The following TSC2 variants were observed in gnomAD, a reference collection of about 807,000 sequenced individuals.
TSC2 encodes the protein TSC complex subunit 2.
TSC2 carries 29 observed loss-of-function variants against 202.2 expected under a neutral mutation model. The ratio of observed to expected loss-of-function variants is 0.14; its 90% CI spans 0.11 to 0.20. The LOEUF is 0.20. Ranked by LOEUF, TSC2 falls within the 10% of genes least tolerant of loss-of-function variation. The pLI is 1.00. For missense variants in TSC2, 2,429 were observed against 2,420.0 expected (o/e 1.00, Z -0.08); for synonymous variants, 1,349 against 1,044.0 (o/e 1.29, Z -5.63).
In TSC2 at chr16:2,076,509, C is replaced by T. The variant is rs201835391; in HGVS notation, c.2761C>T (p.Leu921Phe). ...FITKGLRSNV[L>F]LSFDDTPEKD... is the part of the protein sequence containing the mutation. ...CTGCCAGGGCCTGCGGTCCAATGTCCTCTTGTCTTTTGATGACACCCCCGA... is the reference window on the plus strand; with the variant it reads ...CTGCCAGGGCCTGCGGTCCAATGTCTTCTTGTCTTTTGATGACACCCCCGA... Residue 921 changes from leucine to phenylalanine, a missense_variant, in exon 25 of 42, where the codon CTC becomes TTC. Coordinates refer to ENST00000219476, the MANE Select transcript of TSC2 (RefSeq NM_000548.5). 1.9e-6 allele frequency: 3 copies of T among 1,613,552 alleles called. No individual in the cohort carries two copies. The highest frequency in any genetic ancestry group is 2.2e-5 in the South Asian group (2 of 91,074).
intron 2 of TSC2, among the ~76,000 whole-genome samples, chr16:2,049,641 A>G (rs1012164201): frequency 3.3e-5 from 5 of 151,714 alleles, no homozygotes; most frequent in African/African-American, 1.2e-4. Context: ...CCTGGCCAAC[A>G]TGGCGAAACC....
At chr16:2,087,974 A>G (rs1357071011) in intron 39 of TSC2, 33 bp downstream of exon 39, 13 of 1,607,728 alleles carry the variant, frequency 8.1e-6, no homozygotes, top group Non-Finnish European at 1.1e-5. Context: ...AGTGCAGGAA[A>G]GGTAGGGCCG....
chr16:2,071,227 G>A (rs1460189486), intron 17 of TSC2, among the ~76,000 whole-genome samples: 1 of 152,224 alleles, frequency 6.6e-6, no homozygotes, highest in Non-Finnish European at 1.5e-5. Flanking sequence ...TGCCAGAGGA[G>A]CGAGGCGCCC....
At chr16:2,072,500 C>A in intron 20 of TSC2, 137 bp downstream of exon 20, 1 of 1,391,208 alleles carries the variant, frequency 7.2e-7, no homozygotes. Context: ...CACTCTGGAG[C>A]GCAGATTGTG....
At chr16:2,064,720 C>A in intron 15 of TSC2, 1 of 506,624 alleles carries the variant, frequency 2.0e-6, no homozygotes, top group Non-Finnish European at 3.6e-6. Context: ...TTTGGCCTGC[C>A]GTCCTCCCTG....
intron 6 of TSC2, 37 bp downstream of exon 6, chr16:2,055,556 C>T (rs774445870): frequency 2.5e-6 from 4 of 1,581,596 alleles, no homozygotes; most frequent in East Asian, 2.2e-5. Context: ...TGATAATGGT[C>T]CTAAGTTCAG....
intron 38 of TSC2, 122 bp from the exon 39 acceptor site, chr16:2,087,741 A>C: frequency 8.1e-7 from 1 of 1,242,122 alleles, no homozygotes. Context: ...CAGAGGGGAA[A>C]GTTCAGGGGC....
chr16:2,070,198 C>T lies in TSC2; in HGVS notation c.1717-258C>T, dbSNP rs865981294. 1.5e-4 allele frequency among the ~76,000 whole-genome samples: 23 copies of T among 152,308 alleles called. 1 individual carries two copies. The Middle Eastern group carries it at 0.01, about 68-fold the overall frequency. ...CCGCCCCATTCTGCCCTGTCTGCCA[C>T]GCAGCTGGAGCTTCTCCATTGAATG... is the stretch of plus-strand genomic sequence containing the variant. On this transcript the variant is annotated intron_variant, in intron 16 of 41. Coordinates refer to ENST00000219476, the MANE Select transcript of TSC2 (RefSeq NM_000548.5).
At chr16:2,075,008 G>C (rs1161088474) in intron 22 of TSC2, 1 of 161,566 alleles carries the variant, frequency 6.2e-6, no homozygotes, top group African/African-American at 2.4e-5. Flanking sequence ...CTGAGGTCAG[G>C]AGTTCGAGAC....
chr16:2,049,819 C>T (rs917886914), intron 2 of TSC2, among the ~76,000 whole-genome samples: 20 of 151,246 alleles, frequency 1.3e-4, no homozygotes, highest in South Asian at 2.1e-4. Context: ...AGCAAAACTC[C>T]GTCTAAAAAA....
intron 4 of TSC2, 82 bp downstream of exon 4, chr16:2,053,534 C>T (rs1393967999): frequency 7.3e-7 from 1 of 1,378,500 alleles, no homozygotes; most frequent in Non-Finnish European, 1.0e-6. Context: ...TGTTTGGACT[C>T]CTGCCTCGGT....
At position 2,071,883 on chromosome 16, in the gene TSC2, G is replaced by A. The variant is rs749536123; in HGVS notation, c.2046G>A (p.Gly682=). ...CTGCAGGCCCCGCCGTGCGGCTGGGGTCCGTGCCCTACTCCCTGCTCTTCC... is the reference window on the plus strand; with the variant it reads ...CTGCAGGCCCCGCCGTGCGGCTGGGATCCGTGCCCTACTCCCTGCTCTTCC... The part of the protein sequence containing the change: ...PAPAGPAVRL[G]SVPYSLLFRV... The change falls in exon 19 of 42, where the codon GGG becomes GGA. Residue 682 remains glycine (G), a synonymous_variant. Transcript: ENST00000219476. 19 of 1,597,462 alleles carry A rather than the reference G, an allele frequency of 1.2e-5. No individual in the cohort carries two copies. Among genetic ancestry groups the A allele is most frequent in the Admixed American group, 1.0e-4 (6 of 58,280 alleles).
rs77759204 is a variant in TSC2, at chr16:2,081,216, G to A, written c.3611-379G>A. ...GTTCCCAGGGGCAGAGGGAGCCCCC[G>A]CAGAGGCCCAGAGCCCAGGGACAGA... is the stretch of plus-strand genomic sequence containing the variant. On this transcript the variant is annotated intron_variant, in intron 30 of 41. Transcript: ENST00000219476. 41 of 359,130 alleles carry A rather than the reference G, an allele frequency of 1.1e-4. No homozygotes were observed. In the East Asian group the frequency reaches 1.3e-3, roughly 12 times the overall value. 22.2% of individuals were successfully genotyped at this position (359,130 alleles called of 1,614,324 possible).
At chr16:2,081,315 G>A in intron 30 of TSC2, 2 of 504,676 alleles carry the variant, frequency 4.0e-6, no homozygotes, top group Non-Finnish European at 7.3e-6. Flanking sequence ...AAGAGTAGGG[G>A]TTCCAGCCCT....
At chr16:2,081,413 G>C (rs903118616) in intron 30 of TSC2, 182 bp from the exon 31 acceptor site, 19 of 770,974 alleles carry the variant, frequency 2.5e-5, no homozygotes, top group Non-Finnish European at 2.2e-6. Flanking sequence ...CGAGGCAGGG[G>C]CTGAGCGGGG....
At chr16:2,077,126 G>C (rs1290817241) in intron 25 of TSC2, among the ~76,000 whole-genome samples, 1 of 152,242 alleles carries the variant, frequency 6.6e-6, no homozygotes, top group Non-Finnish European at 1.5e-5. Flanking sequence ...CTGGGGGCCG[G>C]GGGCCAAGCT....
chr16:2,083,379 C>T, intron 32 of TSC2: 1 of 508,304 alleles, frequency 2.0e-6, no homozygotes, highest in Non-Finnish European at 3.7e-6. Context: ...GAGCTGAGGC[C>T]CGTCGGGCGG....
chr16:2,049,748 C>T (rs1450762365), intron 2 of TSC2, among the ~76,000 whole-genome samples: 6 of 151,444 alleles, frequency 4.0e-5, no homozygotes, highest in Non-Finnish European at 7.4e-5. Flanking sequence ...TGCTTGAACC[C>T]GGGAGGCGGA....
chr16:2,070,722 G>A (rs112976711), intron 17 of TSC2, 144 bp downstream of exon 17: 75 of 1,383,332 alleles, frequency 5.4e-5, no homozygotes, highest in South Asian at 1.9e-4. Context: ...CACTGTGGCC[G>A]CAGCCTCCCC....
Sources: allele counts gnomAD v4.1 joint callset (sites outside exome capture counted in the v4.1 genomes callset), GRCh38; gene constraint gnomAD v4.1.1; transcripts MANE v1.5; gene names NCBI Gene and HGNC (gene_info 2026-07-23, HGNC 2026-07-21).